GPRC5C: variants seen among roughly 807,000 people sequenced by gnomAD.
GPRC5C encodes G protein-coupled receptor family C group 5 member C.
Under a neutral mutation model 31.4 loss-of-function variants are expected in GPRC5C, and 22 were observed. The observed-to-expected ratio is 0.70, with a 90% CI of 0.50 to 1.00. GPRC5C has a LOEUF of 1.00. Ranked by LOEUF, GPRC5C falls within the 50% of genes least tolerant of loss-of-function variation. The pLI, the probability that GPRC5C is intolerant of heterozygous loss-of-function variation, is 0.00. For synonymous variants in GPRC5C, 249 were observed against 257.5 expected (o/e 0.97, Z 0.32); for missense variants, 557 against 597.2 (o/e 0.93, Z 0.70).
intron 2 of GPRC5C, among the ~76,000 whole-genome samples, chr17:74,442,245 C>T (rs574478707): frequency 2.0e-5 from 3 of 152,274 alleles, no homozygotes; most frequent in East Asian, 1.9e-4. Context: ...TCAAGTGATC[C>T]GCCTGCCTCG....
Position 74,440,595 on chromosome 17 carries a change from C to T in GPRC5C, c.819C>T (p.Pro273=). Residue 273 remains proline (P), a synonymous_variant, in exon 2 of 4, where the codon CCC becomes CCT. Transcript: ENST00000392627. The surrounding 1 kb of genome is among the most constrained non-coding windows in gnomAD (Gnocchi z 4.4). Reference sequence around the variant, plus strand: ...ACGGCAACAAGCAGCACAACAGTCCCACCTGGGATGACCCCACGCTGGCCA... The same window carrying T: ...ACGGCAACAAGCAGCACAACAGTCCTACCTGGGATGACCCCACGCTGGCCA... ...YTYGNKQHNS[P]TWDDPTLAIA... 11 of 1,613,298 alleles carry T rather than the reference C, an allele frequency of 6.8e-6. No homozygotes were observed. The highest frequency in any genetic ancestry group is 1.7e-5 in the Admixed American group (1 of 60,014).
At chr17:74,449,755 C>T (rs998492638), downstream of GPRC5C, 4 of 188,194 alleles carry the variant, frequency 2.1e-5, no homozygotes, top group African/African-American at 4.7e-5. Context: ...CCCGTCTTGA[C>T]TCTGGACCTT....
At chr17:74,432,524 G>T in intron 1 of GPRC5C, 2 of 1,004,920 alleles carry the variant, frequency 2.0e-6, no homozygotes, top group Non-Finnish European at 2.4e-6. Flanking sequence ...CGAGTCCCAG[G>T]TAAGGGCTGC....
downstream of GPRC5C, among the ~76,000 whole-genome samples, chr17:74,447,795 G>A (rs2055665255): frequency 1.3e-5 from 2 of 152,160 alleles, no homozygotes; most frequent in Admixed American, 6.5e-5. Flanking sequence ...TGTGTGTAAG[G>A]GAAGATGAAC....
chr17:74,449,484 C>A, downstream of GPRC5C: 1 of 598,934 alleles, frequency 1.7e-6, no homozygotes, highest in Non-Finnish European at 2.8e-6. Flanking sequence ...CCGGAGGCCA[C>A]CAACCTGAAG....
chr17:74,440,484 G>T lies in GPRC5C; in HGVS notation c.708G>T (p.Lys236Asn), dbSNP rs763743449. ...GAWPALCGRY[K>N]RWRKHGVFVL... ...GGCCCGCCCTGTGTGGCCGCTACAA[G>T]CGCTGGCGTAAGCATGGGGTCTTTG... Residue 236 changes from lysine (K) to asparagine (N), a missense_variant, in exon 2 of 4, where the codon AAG becomes AAT. Lys to Asn is a moderately conservative substitution (Grantham distance 94). Transcript: ENST00000392627. The surrounding 1 kb of genome is among the most constrained non-coding windows in gnomAD (Gnocchi z 4.4). 1 of 1,614,038 alleles carries T rather than the reference G, an allele frequency of 6.2e-7. No individual in the cohort carries two copies. Among genetic ancestry groups the T allele is most frequent in the African/African-American group, 1.3e-5 (1 of 74,950 alleles).
Position 74,439,884 on chromosome 17 carries a change from C to T in GPRC5C, c.108C>T (p.Asn36=), listed in dbSNP as rs145119311. 2.5e-6 allele frequency: 4 copies of T among 1,613,188 alleles called. No homozygotes were observed. The highest frequency in any genetic ancestry group is 3.4e-6 in the Non-Finnish European group (4 of 1,180,014). The change falls in exon 2 of 4, where the codon AAC becomes AAT. Residue 36 remains asparagine, a synonymous_variant. Transcript: ENST00000392627. ...CACCCGGCTGCAGCCAAGGCCTCAA[C>T]CCCCTGTACTACAACCTGTGTGACC... ...HVPPGCSQGL[N]PLYYNLCDRS...
chr17:74,443,283 G>A (rs2055571752), intron 2 of GPRC5C: 1 of 237,876 alleles, frequency 4.2e-6, no homozygotes, highest in South Asian at 4.4e-5. Context: ...TGGGACGTGC[G>A]TTAAGGCTCC....
downstream of GPRC5C, chr17:74,448,697 C>A: frequency 2.3e-6 from 1 of 436,334 alleles, no homozygotes; most frequent in Non-Finnish European, 4.6e-6. Context: ...CATTTTAATC[C>A]CCAAGGCTGC....
chr17:74,432,527 A>G (rs2055369506), intron 1 of GPRC5C: 2 of 1,001,480 alleles, frequency 2.0e-6, no homozygotes, highest in Non-Finnish European at 2.4e-6. Context: ...GTCCCAGGTA[A>G]GGGCTGCTGC....
chr17:74,432,350 T>G, intron 1 of GPRC5C: 1 of 1,412,842 alleles, frequency 7.1e-7, no homozygotes, highest in Non-Finnish European at 9.2e-7. Context: ...TGGCTCAGCC[T>G]CGGTCCCAGG....
At chr17:74,432,783 G>A (rs2055374553) in intron 1 of GPRC5C, among the ~76,000 whole-genome samples, 1 of 151,884 alleles carries the variant, frequency 6.6e-6, no homozygotes, top group Admixed American at 6.6e-5. Context: ...TCCACCGCCT[G>A]CCTCTCGGTG....
chr17:74,442,118 T>C (rs965735198), intron 2 of GPRC5C, among the ~76,000 whole-genome samples: 2 of 152,168 alleles, frequency 1.3e-5, no homozygotes, highest in Admixed American at 6.5e-5. Context: ...TTCTCCTGCC[T>C]CAGCCTCCCA....
chr17:74,433,548 C>T (rs187602814), intron 1 of GPRC5C: 161 of 679,276 alleles, frequency 2.4e-4, no homozygotes, highest in African/African-American at 2.2e-3. Flanking sequence ...GCGCCCTGCA[C>T]AGAGGGGTGA....
intron 1 of GPRC5C, among the ~76,000 whole-genome samples, chr17:74,435,631 T>G (rs549840843): frequency 6.6e-6 from 1 of 152,214 alleles, no homozygotes; most frequent in Non-Finnish European, 1.5e-5. Context: ...AAGGGTCAGG[T>G]GCAGAAGGAA....
downstream of GPRC5C, chr17:74,448,808 C>T (rs954049612): frequency 1.2e-5 from 14 of 1,136,862 alleles, no homozygotes; most frequent in Admixed American, 1.2e-4. Context: ...GTAGTTCTAC[C>T]GCCCCCTTTT....
intron 2 of GPRC5C, among the ~76,000 whole-genome samples, chr17:74,441,277 A>T (rs2055535982): frequency 6.6e-6 from 1 of 152,088 alleles, no homozygotes; most frequent in Non-Finnish European, 1.5e-5. Context: ...ACTCCATCTC[A>T]AAATAAATAA....
At position 74,447,019 on chromosome 17, in the gene GPRC5C, G is replaced by C. The variant is rs151031492; in HGVS notation, c.1317G>C (p.Val439=). The change falls in exon 4 of 4, where the codon GTG becomes GTC. Residue 439 remains valine, a synonymous_variant. Coordinates refer to ENST00000392627, the MANE Select transcript of GPRC5C (RefSeq NM_022036.4). ...KNSQVFRNPY[V]WD is the part of the protein sequence containing the mutation. Reference sequence around the variant, plus strand: ...CTCAGGTCTTTAGAAACCCCTACGTGTGGGACTGAGTCAGCGGTGGCGAGG... The same window carrying C: ...CTCAGGTCTTTAGAAACCCCTACGTCTGGGACTGAGTCAGCGGTGGCGAGG... The C allele has an allele frequency of 9.3e-6, 15 of 1,610,794 alleles. No homozygotes were observed. In the African/African-American group the frequency reaches 1.5e-4, roughly 16 times the overall value.
At chr17:74,442,298 T>A (rs1194102634) in intron 2 of GPRC5C, among the ~76,000 whole-genome samples, 1 of 152,226 alleles carries the variant, frequency 6.6e-6, no homozygotes, top group East Asian at 1.9e-4. Context: ...CCACTGCACC[T>A]GGCCTTTTTC....
Sources: gnomAD v4.1 joint callset for allele counts (sites outside exome capture counted in the v4.1 genomes callset) on GRCh38, gnomAD v4.1.1 for gene constraint, Gnocchi (gnomAD v3.1) non-coding constraint, MANE v1.5 for transcripts, NCBI Gene and HGNC (gene_info 2026-07-23, HGNC 2026-07-21) for gene names.